Variants in GABBR2 observed in about 807,000 individuals in gnomAD.
The protein encoded by GABBR2 is G-protein coupled receptor 51.
A neutral mutation model predicts 105.6 loss-of-function variants in GABBR2; 23 were observed. The ratio of observed to expected loss-of-function variants is 0.22; its 90% CI spans 0.16 to 0.31. The LOEUF (loss-of-function observed/expected upper bound fraction) is 0.31. Ranked by LOEUF, GABBR2 falls within the 10% of genes least tolerant of loss-of-function variation. GABBR2 has a pLI of 1.00. For synonymous variants in GABBR2, 478 were observed against 499.7 expected (o/e 0.96, Z 0.58); for missense variants, 734 against 1,245.5 (o/e 0.59, Z 6.18).
chr9:98,340,028 C>T (rs1020693223), intron 13 of GABBR2, among the ~76,000 whole-genome samples: 12 of 151,822 alleles, frequency 7.9e-5, no homozygotes, highest in Non-Finnish European at 1.3e-4. Context: ...GGGGTGGAAG[C>T]TCAAAGCTGG....
chr9:98,395,043 C>T (rs1832262351), intron 8 of GABBR2, among the ~76,000 whole-genome samples: 1 of 152,168 alleles, frequency 6.6e-6, no homozygotes, highest in Non-Finnish European at 1.5e-5. Flanking sequence ...TACTCTCAAC[C>T]TTCTTACAGT....
intron 1 of GABBR2, among the ~76,000 whole-genome samples, chr9:98,695,806 C>T (rs1249927216): frequency 2.0e-5 from 3 of 152,098 alleles, no homozygotes; most frequent in Admixed American, 6.5e-5. Context: ...ACAGGTTGAC[C>T]GATGCCCAGT....
At chr9:98,636,290 C>T (rs1829875202) in intron 1 of GABBR2, among the ~76,000 whole-genome samples, 1 of 152,042 alleles carries the variant, frequency 6.6e-6, no homozygotes, top group South Asian at 2.1e-4. Flanking sequence ...CTGGGGCTGC[C>T]ACTCTCCCCC....
chr9:98,418,241 C>T (rs981315438), intron 7 of GABBR2, among the ~76,000 whole-genome samples: 3 of 151,988 alleles, frequency 2.0e-5, no homozygotes, highest in African/African-American at 7.3e-5. Context: ...GTAGATGATG[C>T]ATGAGGTGGG....
intron 7 of GABBR2, among the ~76,000 whole-genome samples, chr9:98,423,788 T>A (rs1832826606): frequency 6.6e-6 from 1 of 152,154 alleles, no homozygotes; most frequent in African/African-American, 2.4e-5. Flanking sequence ...TTGTATAAGG[T>A]GTAAGGAAGG....
chr9:98,362,175 T>C (rs1382910281), intron 13 of GABBR2, among the ~76,000 whole-genome samples: 1 of 152,206 alleles, frequency 6.6e-6, no homozygotes. Flanking sequence ...ATCTGGAGAA[T>C]CCTAGAAAGA....
intron 4 of GABBR2, among the ~76,000 whole-genome samples, chr9:98,488,243 T>C (rs552896756): frequency 5.3e-5 from 8 of 152,172 alleles, no homozygotes; most frequent in Non-Finnish European, 8.8e-5. Flanking sequence ...ACAGCAGCAA[T>C]GGGAAATGAA....
intron 6 of GABBR2, among the ~76,000 whole-genome samples, chr9:98,460,449 G>A (rs1228266851): frequency 1.3e-5 from 2 of 152,198 alleles, no homozygotes; most frequent in East Asian, 3.9e-4. Flanking sequence ...AATGTCATCA[G>A]AGAACTGAAT....
intron 7 of GABBR2, among the ~76,000 whole-genome samples, chr9:98,421,438 G>C (rs1795073013): frequency 6.6e-6 from 1 of 152,058 alleles, no homozygotes; most frequent in Admixed American, 6.6e-5. Flanking sequence ...ACTCATTCAG[G>C]AATAAAATTA....
At chr9:98,361,441 C>A (rs1009762797) in intron 13 of GABBR2, among the ~76,000 whole-genome samples, 6 of 152,206 alleles carry the variant, frequency 3.9e-5, no homozygotes, top group African/African-American at 1.4e-4. Flanking sequence ...GCCCAGTTAG[C>A]CAATGATAGC....
chr9:98,555,756 C>G (rs548937480), intron 2 of GABBR2: 1 of 152,196 alleles, frequency 6.6e-6, no homozygotes, highest in African/African-American at 2.4e-5. Context: ...GGCCCCAGCT[C>G]GAGTCTTTGA....
chr9:98,623,243 G>A (rs1202493535), intron 1 of GABBR2, among the ~76,000 whole-genome samples: 1 of 152,086 alleles, frequency 6.6e-6, no homozygotes, highest in Non-Finnish European at 1.5e-5. Flanking sequence ...TGGGCAACAC[G>A]GTAAAACCCT....
chr9:98,689,715 C>G (rs994287944), intron 1 of GABBR2, among the ~76,000 whole-genome samples: 1 of 152,214 alleles, frequency 6.6e-6, no homozygotes, highest in Admixed American at 6.5e-5. Flanking sequence ...GTTTATGGCA[C>G]GGTTATGTTC....
intron 1 of GABBR2, among the ~76,000 whole-genome samples, chr9:98,585,156 T>C (rs1167581164): frequency 6.6e-6 from 1 of 152,118 alleles, no homozygotes; most frequent in African/African-American, 2.4e-5. Flanking sequence ...AATACCTCCA[T>C]CTACCCTGCC....
At chr9:98,555,533 T>C (rs1480735658) in intron 2 of GABBR2, 1 of 152,220 alleles carries the variant, frequency 6.6e-6, no homozygotes, top group Non-Finnish European at 1.5e-5. Context: ...ATTAACAAAT[T>C]ACATTAGAAG....
rs986093143 is a variant in GABBR2 at position 98,657,713 on chromosome 9, T to C, written c.321+50704A>G. ...TGAATTATCATCCCCCAAATCTGCA[T>C]ATGGCAAGAGCGGGACCAGGTGGAG... On this transcript the variant is annotated intron_variant, in intron 1 of 18. Coordinates refer to ENST00000259455, the MANE Select transcript of GABBR2 (RefSeq NM_005458.8). Among the ~76,000 whole-genome samples, 7 of 152,274 alleles carry C rather than the reference T, an allele frequency of 4.6e-5. No homozygotes were observed. In the East Asian group the frequency reaches 5.8e-4, roughly 13 times the overall value.
intron 11 of GABBR2, among the ~76,000 whole-genome samples, chr9:98,377,343 T>A (rs1314714019): frequency 2.0e-5 from 3 of 152,148 alleles, no homozygotes; most frequent in Non-Finnish European, 4.4e-5. Context: ...GGCCACACCA[T>A]GTGATTGCAG....
At chr9:98,678,378 T>A (rs1203143579) in intron 1 of GABBR2, among the ~76,000 whole-genome samples, 2 of 152,214 alleles carry the variant, frequency 1.3e-5, no homozygotes, top group African/African-American at 4.8e-5. Flanking sequence ...AAGTCTAATT[T>A]CCCAAACATA....
intron 1 of GABBR2, among the ~76,000 whole-genome samples, chr9:98,630,157 G>A (rs188264482): frequency 7.9e-5 from 12 of 152,204 alleles, no homozygotes; most frequent in Admixed American, 5.9e-4. Context: ...ACAGCCAAGG[G>A]TATCCAGATA....
Sources: allele counts gnomAD v4.1 joint callset (sites outside exome capture counted in the v4.1 genomes callset), GRCh38; gene constraint gnomAD v4.1.1; transcripts MANE v1.5; gene names NCBI Gene and HGNC (gene_info 2026-07-23, HGNC 2026-07-21).